ARHGEF26: variants seen among roughly 807,000 people sequenced by gnomAD.
ARHGEF26 encodes the protein Rho guanine nucleotide exchange factor 26, also known as Rho guanine nucleotide exchange factor (GEF) 26.
Under a neutral mutation model 89.4 loss-of-function variants are expected in ARHGEF26, and 59 were observed. The ratio of observed to expected loss-of-function variants is 0.66; its 90% CI spans 0.54 to 0.82. ARHGEF26 has a LOEUF of 0.82. Ranked by LOEUF, ARHGEF26 falls within the 40% of genes least tolerant of loss-of-function variation. The pLI, the probability that ARHGEF26 is intolerant of heterozygous loss-of-function variation, is 0.00. For synonymous variants in ARHGEF26, 500 were observed against 428.4 expected, an observed-to-expected ratio of 1.17 and a Z score of -2.06; for missense variants, 1,234 against 1,085.6, an observed-to-expected ratio of 1.14 and a Z score of -1.92.
intron 8 of ARHGEF26, among the ~76,000 whole-genome samples, chr3:154,194,035 T>C (rs1226359271): frequency 6.6e-6 from 1 of 152,054 alleles, no homozygotes; most frequent in East Asian, 1.9e-4. Context: ...GATGGGGTTT[T>C]TCCATATTGC....
chr3:154,227,677 C>G (rs1042315449), intron 11 of ARHGEF26, among the ~76,000 whole-genome samples: 2 of 152,080 alleles, frequency 1.3e-5, no homozygotes, highest in Non-Finnish European at 2.9e-5. Flanking sequence ...TTGGCTTTCT[C>G]CAGGATGTTT....
chr3:154,145,626 G>A (rs1467462855), intron 4 of ARHGEF26, among the ~76,000 whole-genome samples: 1 of 152,160 alleles, frequency 6.6e-6, no homozygotes, highest in African/African-American at 2.4e-5. Flanking sequence ...AAAATAGAAG[G>A]AATGCACATT....
chr3:154,216,600 T>G (rs1329349947), intron 9 of ARHGEF26, among the ~76,000 whole-genome samples: 27 of 141,964 alleles, frequency 1.9e-4, no homozygotes, highest in South Asian at 7.2e-4. Context: ...TAGTTACATA[T>G]GTATACATGT....
intron 6 of ARHGEF26, among the ~76,000 whole-genome samples, chr3:154,168,501 C>T (rs1398981082): frequency 6.6e-6 from 1 of 152,090 alleles, no homozygotes; most frequent in East Asian, 1.9e-4. Flanking sequence ...CACTTGAGCC[C>T]AGGAGGCAGA....
intron 6 of ARHGEF26, among the ~76,000 whole-genome samples, chr3:154,176,827 T>G (rs1203984065): frequency 6.6e-6 from 1 of 152,166 alleles, no homozygotes; most frequent in Non-Finnish European, 1.5e-5. Flanking sequence ...TATCTTTTTA[T>G]GAGATGAGGT....
chr3:154,219,838 C>T (rs1158671971), intron 10 of ARHGEF26, among the ~76,000 whole-genome samples: 2 of 151,574 alleles, frequency 1.3e-5, no homozygotes, highest in Non-Finnish European at 2.9e-5. Flanking sequence ...GGCATGAACC[C>T]GGGAGGCGGA....
rs183019291 is a variant in ARHGEF26 at position 154,227,338 on chromosome 3, C to T, written c.2090+1328C>T. 2.1e-5 allele frequency among the ~76,000 whole-genome samples: 3 copies of T among 144,440 alleles called. No homozygotes were observed. In the East Asian group the frequency reaches 6.1e-4, roughly 29 times the overall value. The allele number at this position is 144,440 out of a possible 152,430, so 94.8% of individuals were successfully genotyped here. A position where few individuals can be genotyped will look rare whatever the true frequency, so the allele number is the denominator to read the frequency against. ...TGAGATAGAGTCTTGCTGTGTCCCA[C>T]AGGCTGGAGTGCAGTGGCGTGATCT... is the stretch of plus-strand genomic sequence containing the variant. On this transcript the variant is annotated intron_variant, in intron 11 of 14. Transcript: ENST00000465093.
At chr3:154,211,078 G>C (rs7624952) in intron 9 of ARHGEF26, among the ~76,000 whole-genome samples, 1,640 of 151,538 alleles carry the variant, frequency 0.011, 21 homozygotes, top group African/African-American at 0.037. Context: ...TTTTCCTCTC[G>C]TCTTCTCAAG....
rs749557038 is a variant in ARHGEF26, at chr3:154,152,885, G to A, written c.1440G>A (p.Arg480=). The A allele has an allele frequency of 2.5e-6, 4 of 1,598,482 alleles. No homozygotes were observed. The highest frequency in any genetic ancestry group is 1.7e-5 in the Admixed American group (1 of 58,008). Residue 480 remains arginine, a synonymous_variant, in exon 6 of 15, where the codon AGG becomes AGA. Coordinates refer to ENST00000465093, the MANE Select transcript of ARHGEF26 (RefSeq NM_015595.4). ...GTGATACAATGACTAAAACCGAGAG[G>A]CACCATCTTTTCTCCAATATTACAG... is the stretch of plus-strand genomic sequence containing the variant. The part of the protein sequence containing the change: ...ELSDTMTKTE[R]HHLFSNITDV...
chr3:154,216,492 A>ATTTTTTTATTT (rs1715740411), intron 9 of ARHGEF26, among the ~76,000 whole-genome samples: 1 of 129,010 alleles, frequency 7.8e-6, no homozygotes, highest in African/African-American at 2.9e-5. Context: ...TTTTTTTTTT[A>ATTTTTTTATTT]TTTTTTTTTA....
rs540564396 is a variant in ARHGEF26 at position 154,122,981 on chromosome 3, C to T, written c.989C>T (p.Pro330Leu). 2 of 1,613,800 alleles carry T rather than the reference C, an allele frequency of 1.2e-6. No individual in the cohort carries two copies. Among genetic ancestry groups the T allele is most frequent in the Non-Finnish European group, 1.7e-6 (2 of 1,179,834 alleles). The change falls in exon 2 of 15, where the codon CCT becomes CTT. Residue 330 changes from proline (P) to leucine (L), a missense_variant. Pro to Leu is a moderately conservative substitution (Grantham distance 98). Transcript: ENST00000465093. ...AVVSGFDFDS[P>L]TSSKKKNRMS... ...GTCAGTGGCTTTGATTTTGACAGTC[C>T]TACCAGCTCGAAGAAGAAGAACAGA...
chr3:154,127,254 A>AT (rs1718386368), intron 3 of ARHGEF26, among the ~76,000 whole-genome samples: 1 of 152,212 alleles, frequency 6.6e-6, no homozygotes, highest in African/African-American at 2.4e-5. Flanking sequence ...AAATTTAAAA[A>AT]TTTTTGAATC....
At chr3:154,254,285 A>G (rs919987360) in intron 13 of ARHGEF26, among the ~76,000 whole-genome samples, 1 of 152,020 alleles carries the variant, frequency 6.6e-6, no homozygotes, top group African/African-American at 2.4e-5. Flanking sequence ...TTATTTCTAA[A>G]CTTTTTTTTG....
At chr3:154,172,011 T>C (rs2108141219) in intron 6 of ARHGEF26, among the ~76,000 whole-genome samples, 1 of 152,314 alleles carries the variant, frequency 6.6e-6, no homozygotes, top group Middle Eastern at 3.4e-3. Context: ...AGAATCAACA[T>C]ACCTTAAGAA....
chr3:154,225,409 A>T (rs185848676), intron 10 of ARHGEF26, among the ~76,000 whole-genome samples: 113 of 152,194 alleles, frequency 7.4e-4, no homozygotes, highest in African/African-American at 2.7e-3. Context: ...GTAAATGTAG[A>T]CTTTTATATT....
chr3:154,212,596 T>TG (rs1715444985), intron 9 of ARHGEF26, among the ~76,000 whole-genome samples: 2 of 9,164 alleles, frequency 2.2e-4, no homozygotes, highest in Non-Finnish European at 4.7e-4. Flanking sequence ...CACAGACGGG[T>TG]GGGGGGCTGG....
At chr3:154,163,912 T>G (rs1711819851) in intron 6 of ARHGEF26, among the ~76,000 whole-genome samples, 1 of 152,020 alleles carries the variant, frequency 6.6e-6, no homozygotes, top group Non-Finnish European at 1.5e-5. Flanking sequence ...AACTTTTGCA[T>G]GTATGCTGTC....
At chr3:154,244,510 A>G (rs765225416) in intron 12 of ARHGEF26, among the ~76,000 whole-genome samples, 15 of 152,138 alleles carry the variant, frequency 9.9e-5, no homozygotes, top group Non-Finnish European at 1.9e-4. Context: ...CATATAGGGA[A>G]GTGATCAGAC....
In ARHGEF26 at chr3:154,257,041, T is replaced by C. The variant is rs919393506; in HGVS notation, c.*1568T>C. ...CATTATTGGAGGACTCAAATCTGTA[T>C]GTGACATGTCCCAACTACTGTCCGC... is the stretch of plus-strand genomic sequence containing the variant. On this transcript the variant is annotated 3_prime_UTR_variant, in exon 15 of 15. Coordinates refer to ENST00000465093, the MANE Select transcript of ARHGEF26 (RefSeq NM_015595.4). 2 of 1,438,330 alleles carry C rather than the reference T, an allele frequency of 1.4e-6. No homozygotes were observed. Among genetic ancestry groups the C allele is most frequent in the African/African-American group, 2.9e-5 (2 of 68,968 alleles). The allele number at this position is 1,438,330 out of a possible 1,614,324, so 89.1% of individuals were successfully genotyped here.
Sources: allele counts gnomAD v4.1 joint callset (sites outside exome capture counted in the v4.1 genomes callset), GRCh38; gene constraint gnomAD v4.1.1; transcripts MANE v1.5; gene names NCBI Gene and HGNC (gene_info 2026-07-23, HGNC 2026-07-21).